Variants in CD22 observed in about 807,000 individuals in gnomAD.
The protein encoded by CD22 is B-cell receptor CD22.
In CD22, 51 loss-of-function variants were observed where a neutral mutation model predicts 94.7. That is an observed-to-expected ratio of 0.54 (90% CI 0.43 to 0.68). The LOEUF (loss-of-function observed/expected upper bound fraction) is 0.68, where lower values mean the gene tolerates loss of function less well. Ranked by LOEUF, CD22 falls within the 30% of genes least tolerant of loss-of-function variation. The probability of loss-of-function intolerance (pLI) is 0.00; values close to 1 mark genes in which losing one functional copy is unlikely to be tolerated. For synonymous variants in CD22, 424 were observed against 422.5 expected (o/e 1.00, Z -0.04); for missense variants, 931 against 1,060.4 (o/e 0.88, Z 1.69).
intron 9 of CD22, among the ~76,000 whole-genome samples, chr19:35,343,765 A>C (rs1156275075): frequency 2.6e-5 from 4 of 152,164 alleles, no homozygotes; most frequent in Admixed American, 2.6e-4. Context: ...AAAAACGAAC[A>C]AACAAAACAA....
At chr19:35,331,596 G>A (rs11670171) in intron 1 of CD22, 41,675 of 182,506 alleles carry the variant, frequency 0.23, 5,313 homozygotes, top group Middle Eastern at 0.49. Flanking sequence ...CACCTGTAGT[G>A]CCAGCACTTT....
chr19:35,333,202 C>A, intron 3 of CD22: 1 of 453,002 alleles, frequency 2.2e-6, no homozygotes, highest in Non-Finnish European at 4.0e-6. Context: ...TATTTTTCAG[C>A]TTTTGTGACA....
At position 35,346,894 on chromosome 19, in the gene CD22, C is replaced by G; in HGVS notation, c.*197C>G. 1 of 572,720 alleles carries G rather than the reference C, an allele frequency of 1.7e-6. No homozygotes were observed. The highest frequency in any genetic ancestry group is 2.2e-5 in the South Asian group (1 of 45,520). The allele number at this position is 572,720 out of a possible 1,614,324, so 35.5% of individuals were successfully genotyped here. A position where few individuals can be genotyped will look rare whatever the true frequency, so the allele number is the denominator to read the frequency against. On this transcript the variant is annotated 3_prime_UTR_variant, in exon 14 of 14. Transcript: ENST00000085219. ...GCCAGTCTTTTTGGTGAGGGTAACC[C>G]CAAACCTCCAAAACTCCTGCCCCTG... is the stretch of plus-strand genomic sequence containing the variant.
At chr19:35,345,507 A>G in intron 11 of CD22, 95 bp from the exon 12 acceptor site, 1 of 730,756 alleles carries the variant, frequency 1.4e-6, no homozygotes, top group East Asian at 2.5e-5. Flanking sequence ...AGGGGATAAA[A>G]TGTCCTCTGA....
Position 35,335,155 on chromosome 19 carries a change from G to A in CD22, c.413-881G>A, listed in dbSNP as rs376082055. Reference sequence around the variant, plus strand: ...GCAATCATTCAGAAAGCAGACATCCGGCAATGAGCATGAAAGAAAAGTAGA... The same window carrying A: ...GCAATCATTCAGAAAGCAGACATCCAGCAATGAGCATGAAAGAAAAGTAGA... On this transcript the variant is annotated intron_variant, in intron 3 of 13. Transcript: ENST00000085219. Among the ~76,000 whole-genome samples the A allele has an allele frequency of 2.4e-4, 36 of 151,808 alleles. 4 individuals carry two copies. The highest frequency in any genetic ancestry group is 1.6e-3 in the Admixed American group (24 of 15,236).
At chr19:35,338,472 G>A in intron 6 of CD22, 41 bp downstream of exon 6, 2 of 1,585,054 alleles carry the variant, frequency 1.3e-6, no homozygotes, top group Non-Finnish European at 1.7e-6. Context: ...GAGAGAAGAT[G>A]GACACAGGGA....
intron 11 of CD22, chr19:35,345,361 C>T (rs2066887955): frequency 7.3e-6 from 4 of 544,656 alleles, no homozygotes; most frequent in Non-Finnish European, 1.3e-5. Context: ...GCAGAGGTTG[C>T]AGTGAGCCAA....
Position 35,338,211 on chromosome 19 carries a change from T to A in CD22, c.1029T>A (p.Ala343=). 6.2e-7 allele frequency: 1 copy of A among 1,614,134 alleles called. No individual in the cohort carries two copies. Among genetic ancestry groups the A allele is most frequent in the Non-Finnish European group, 8.5e-7 (1 of 1,179,968 alleles). ...PSTVQILHSP[A]VEGSQVEFLC... is the part of the protein sequence containing the mutation. ...CGGTTCAGATCCTCCACTCACCGGC[T>A]GTGGAGGGAAGTCAAGTCGAGTTTC... The change falls in exon 6 of 14, where the codon GCT becomes GCA. Residue 343 remains alanine, a synonymous_variant. Transcript: ENST00000085219.
In CD22 at chr19:35,338,477, C is replaced by T. The variant is rs768626436; in HGVS notation, c.1249+46C>T. On this transcript the variant is annotated intron_variant, in intron 6 of 13. Transcript: ENST00000085219. ...TGGTTCTAGGGAGAGAAGATGGACA[C>T]AGGGAACGGGGAAGGCAGATGGGGT... The T allele has an allele frequency of 3.8e-6, 6 of 1,579,800 alleles. No homozygotes were observed. The East Asian group carries it at 1.1e-4, about 30-fold the overall frequency.
chr19:35,344,979 TC>T, intron 10 of CD22, 54 bp downstream of exon 10: 1 of 1,597,382 alleles, frequency 6.3e-7, no homozygotes, highest in South Asian at 1.1e-5. Context: ...GAGGCCCGTG[TC>T]CAGTTGCTCC....
chr19:35,346,805 C>A lies in CD22; in HGVS notation c.*108C>A. The A allele has an allele frequency of 1.1e-6, 1 of 924,706 alleles. No homozygotes were observed. Among genetic ancestry groups the A allele is most frequent in the Non-Finnish European group, 1.6e-6 (1 of 620,894 alleles). The allele number at this position is 924,706 out of a possible 1,614,324, so 57.3% of individuals were successfully genotyped here. A position where few individuals can be genotyped will look rare whatever the true frequency, so the allele number is the denominator to read the frequency against. On this transcript the variant is annotated 3_prime_UTR_variant, in exon 14 of 14. Coordinates refer to ENST00000085219, the MANE Select transcript of CD22 (RefSeq NM_001771.4). ...TTCCTCCTGCGCGCATGTGCGCACA[C>A]ACACACACACACGCACACACACACA...
chr19:35,346,480 G>A (rs1188286447), intron 13 of CD22, 86 bp from the exon 14 acceptor site: 1 of 1,531,270 alleles, frequency 6.5e-7, no homozygotes, highest in African/African-American at 1.4e-5. Context: ...GGACCCCCGG[G>A]TGGAATGAAG....
chr19:35,342,917 T>G (rs1004229851), intron 9 of CD22, among the ~76,000 whole-genome samples: 2 of 151,866 alleles, frequency 1.3e-5, no homozygotes, highest in Admixed American at 6.6e-5. Context: ...TTCACGCCAT[T>G]CTCCTGCCTC....
At chr19:35,329,265 A>C in intron 1 of CD22, 35 bp downstream of exon 1, 3 of 1,273,508 alleles carry the variant, frequency 2.4e-6, no homozygotes, top group Non-Finnish European at 3.1e-6. Flanking sequence ...TGCATTCAAC[A>C]AGCAAGTTAT....
At chr19:35,331,568 G>T (rs769059104) in intron 1 of CD22, 9 of 162,254 alleles carry the variant, frequency 5.5e-5, no homozygotes, top group Admixed American at 2.4e-4. Context: ...AAAACTCCCG[G>T]CCAGGAGTGG....
At chr19:35,345,767 G>A (rs376746991) in intron 12 of CD22, 47 bp downstream of exon 12, 149 of 1,325,002 alleles carry the variant, frequency 1.1e-4, no homozygotes, top group East Asian at 3.2e-4. Flanking sequence ...GGAGGGAGGC[G>A]GGAGGAAAAG....
Position 35,346,133 on chromosome 19 carries a change from A to G in CD22, c.2328-18A>G, listed in dbSNP as rs1451884213. The G allele has an allele frequency of 6.2e-6, 10 of 1,601,330 alleles. No homozygotes were observed. The highest frequency in any genetic ancestry group is 2.2e-5 in the East Asian group (1 of 44,828). ...GGAGATGCTTCATGCGTGGTCGTCTATCTGCCCTGTCTCTCAGAGATGCAG... is the reference window on the plus strand; with the variant it reads ...GGAGATGCTTCATGCGTGGTCGTCTGTCTGCCCTGTCTCTCAGAGATGCAG... On this transcript the variant is annotated intron_variant, in intron 12 of 13. Transcript: ENST00000085219.
At position 35,332,749 on chromosome 19, in the gene CD22, C is replaced by A. The variant is rs769951377; in HGVS notation, c.237C>A (p.Ser79Arg). 1.3e-5 allele frequency: 21 copies of A among 1,614,150 alleles called. No individual in the cohort carries two copies. In the South Asian group the frequency reaches 2.2e-4, roughly 17 times the overall value. Reference protein sequence around the residue: ...SKFDGTRLYESTKDGKVPSEQ... With the variant: ...SKFDGTRLYERTKDGKVPSEQ... ...TTGATGGGACAAGACTCTATGAAAG[C>A]ACAAAGGATGGGAAGGTTCCTTCTG... is the stretch of plus-strand genomic sequence containing the variant. The change falls in exon 3 of 14, where the codon AGC (serine) becomes AGA (arginine). Residue 79 changes from serine to arginine, a missense_variant. Transcript: ENST00000085219.
chr19:35,342,817 T>C (rs552902007), intron 9 of CD22, among the ~76,000 whole-genome samples: 1 of 151,608 alleles, frequency 6.6e-6, no homozygotes, highest in Admixed American at 6.6e-5. Flanking sequence ...AAAACGTAAA[T>C]GATTTTTTTT....
Sources: allele counts gnomAD v4.1 joint callset (sites outside exome capture counted in the v4.1 genomes callset), GRCh38; gene constraint gnomAD v4.1.1; transcripts MANE v1.5; gene names NCBI Gene and HGNC (gene_info 2026-07-23, HGNC 2026-07-21).